The following RSRC1 variants were observed in gnomAD, a reference collection of about 807,000 sequenced individuals.
RSRC1 encodes the protein serine/Arginine-related protein 53.
In RSRC1, 39 loss-of-function variants were observed where a neutral mutation model predicts 49.1. The ratio of observed to expected loss-of-function variants is 0.79; its 90% CI spans 0.61 to 1.04. The LOEUF is 1.04. Among genes scored for constraint, RSRC1 ranks in the 50% least tolerant of loss-of-function variants. The pLI is 0.00. For synonymous variants in RSRC1, 143 were observed against 130.8 expected, an observed-to-expected ratio of 1.09 and a Z score of -0.63; for missense variants, 388 against 402.4, an observed-to-expected ratio of 0.96 and a Z score of 0.31.
At chr3:158,528,133 G>T (rs1712158177) in intron 7 of RSRC1, among the ~76,000 whole-genome samples, 2 of 151,904 alleles carry the variant, frequency 1.3e-5, no homozygotes, top group African/African-American at 4.8e-5. Context: ...AGATATAAAA[G>T]ATAGAAGAAC....
intron 3 of RSRC1, among the ~76,000 whole-genome samples, chr3:158,180,419 C>CGTGTGTGTGTGTGTGTGTGTGTGT (rs374155981): frequency 2.5e-5 from 1 of 40,782 alleles, no homozygotes; most frequent in Non-Finnish European, 3.9e-5. Context: ...TTTTTTTTGC[C>CGTGTGTGTGTGTGTGTGTGTGTGT]GTGTGTGTGT....
intron 3 of RSRC1, among the ~76,000 whole-genome samples, chr3:158,141,672 G>C (rs2108196984): frequency 6.6e-6 from 1 of 152,274 alleles, no homozygotes; most frequent in East Asian, 1.9e-4. Flanking sequence ...GTTTAGGGTA[G>C]AGAAATACCA....
At position 158,370,410 on chromosome 3, in the gene RSRC1, A is replaced by C. The variant is rs74786687; in HGVS notation, c.583+15502A>C. Among the ~76,000 whole-genome samples the C allele has an allele frequency of 5.4e-3, 828 of 152,080 alleles. 3 individuals carry two copies. The highest frequency in any genetic ancestry group is 1.0e-2 in the Admixed American group (152 of 15,254). On this transcript the variant is annotated intron_variant, in intron 6 of 9. Transcript: ENST00000611884. ...GGTTTCTTTGTTCTCATTTGAAGTC[A>C]ATTCTCTCTCCCTATTCCTGGACCT...
chr3:158,177,283 C>G (rs1578166684), intron 3 of RSRC1, among the ~76,000 whole-genome samples: 1 of 152,186 alleles, frequency 6.6e-6, no homozygotes, highest in Non-Finnish European at 1.5e-5. Flanking sequence ...CCAGCAATCC[C>G]ATTTCTGCAT....
At chr3:158,521,468 C>A (rs1711669296) in intron 7 of RSRC1, among the ~76,000 whole-genome samples, 1 of 152,066 alleles carries the variant, frequency 6.6e-6, no homozygotes, top group African/African-American at 2.4e-5. Flanking sequence ...TGTTGCAGGG[C>A]CCTGTTTTCT....
chr3:158,118,450 TGTGTGTGTGTGTGC>T (rs1258527761), intron 1 of RSRC1, among the ~76,000 whole-genome samples: 80 of 138,072 alleles, frequency 5.8e-4, no homozygotes, highest in African/African-American at 2.1e-3. Context: ...TGTGTGTGTG[TGTGTGTGTGTGTGC>T]GCGTGCGCGT....
At chr3:158,119,180 T>A (rs1419093367) in intron 1 of RSRC1, among the ~76,000 whole-genome samples, 2 of 152,178 alleles carry the variant, frequency 1.3e-5, no homozygotes, top group Non-Finnish European at 2.9e-5. Flanking sequence ...TTTTTTTGTT[T>A]TTAGCCTCAT....
chr3:158,428,974 G>C (rs1735618982), intron 6 of RSRC1, among the ~76,000 whole-genome samples: 1 of 151,828 alleles, frequency 6.6e-6, no homozygotes, highest in South Asian at 2.1e-4. Context: ...GTAGCTTCTT[G>C]ATTTGCAGCT....
chr3:158,541,999 A>G (rs924275430), intron 8 of RSRC1, among the ~76,000 whole-genome samples: 4 of 152,194 alleles, frequency 2.6e-5, no homozygotes, highest in South Asian at 4.1e-4. Context: ...TTGGGAGTCT[A>G]TGGTTTGCAT....
chr3:158,504,292 T>TG (rs1432132540), intron 7 of RSRC1, among the ~76,000 whole-genome samples: 1 of 152,228 alleles, frequency 6.6e-6, no homozygotes, highest in Non-Finnish European at 1.5e-5. Context: ...TCCGGATTGC[T>TG]GGTTTGTTCT....
intron 3 of RSRC1, among the ~76,000 whole-genome samples, chr3:158,194,939 A>G (rs1720487550): frequency 6.6e-6 from 1 of 152,142 alleles, no homozygotes; most frequent in Non-Finnish European, 1.5e-5. Flanking sequence ...GCTATTGTGC[A>G]TAGTGCCACA....
chr3:158,315,340 C>T (rs1470169544), intron 5 of RSRC1, among the ~76,000 whole-genome samples: 1 of 152,060 alleles, frequency 6.6e-6, no homozygotes, highest in African/African-American at 2.4e-5. Flanking sequence ...GGTAAAAAAT[C>T]CAAGAAGTAT....
intron 4 of RSRC1, among the ~76,000 whole-genome samples, chr3:158,256,451 A>G (rs560559019): frequency 1.2e-4 from 19 of 152,092 alleles, no homozygotes; most frequent in Non-Finnish European, 2.6e-4. Flanking sequence ...GTGCTGCTGG[A>G]TTTGGTTTGC....
chr3:158,189,106 T>G (rs1001913462), intron 3 of RSRC1, among the ~76,000 whole-genome samples: 1 of 151,900 alleles, frequency 6.6e-6, no homozygotes, highest in Non-Finnish European at 1.5e-5. Flanking sequence ...TTACTTAATT[T>G]CCAAACATTT....
intron 6 of RSRC1, among the ~76,000 whole-genome samples, chr3:158,449,307 T>C (rs1252621075): frequency 6.6e-6 from 1 of 151,944 alleles, no homozygotes; most frequent in Non-Finnish European, 1.5e-5. Context: ...GAAATGAAAA[T>C]ACGGTTGCTG....
chr3:158,297,176 C>A (rs1727283181), intron 4 of RSRC1, among the ~76,000 whole-genome samples: 1 of 151,950 alleles, frequency 6.6e-6, no homozygotes, highest in Admixed American at 6.6e-5. Flanking sequence ...TTGGTACTTA[C>A]AATGGAACTA....
chr3:158,148,982 C>T (rs1717343049), intron 3 of RSRC1, among the ~76,000 whole-genome samples: 1 of 152,104 alleles, frequency 6.6e-6, no homozygotes, highest in South Asian at 2.1e-4. Flanking sequence ...CGGGGTTTCA[C>T]CATGTTGGTC....
At chr3:158,183,306 A>T (rs1719737055) in intron 3 of RSRC1, among the ~76,000 whole-genome samples, 3 of 152,114 alleles carry the variant, frequency 2.0e-5, no homozygotes, top group Admixed American at 2.0e-4. Context: ...TTCAATGCTA[A>T]GTTCAACTAA....
At position 158,354,894 on chromosome 3, in the gene RSRC1, T is replaced by C; in HGVS notation, c.569T>C (p.Val190Ala). 6.5e-7 allele frequency: 1 copy of C among 1,548,054 alleles called. No homozygotes were observed. Among genetic ancestry groups the C allele is most frequent in the Non-Finnish European group, 8.7e-7 (1 of 1,151,342 alleles). The change falls in exon 6 of 10, where the codon GTT becomes GCT. Residue 190 changes from valine (V) to alanine (A), a missense_variant. Val to Ala is a moderately conservative substitution (Grantham distance 64). Transcript: ENST00000611884. ...CAGGCCAAAGCCAGACTACAGCTGG[T>C]TCTTGAAGCTGCTGGTAAGTGTTGA... ...AEQAKARLQL[V>A]LEAAAKADEA...
Sources: allele counts gnomAD v4.1 joint callset (sites outside exome capture counted in the v4.1 genomes callset), GRCh38; gene constraint gnomAD v4.1.1; transcripts MANE v1.5; gene names NCBI Gene and HGNC (gene_info 2026-07-23, HGNC 2026-07-21).